Variants in CTNND2 observed in about 807,000 individuals in gnomAD.
The protein encoded by CTNND2 is catenin delta-2.
A neutral mutation model predicts 144.4 loss-of-function variants in CTNND2; 22 were observed. The ratio of observed to expected loss-of-function variants is 0.15; its 90% CI spans 0.11 to 0.22. CTNND2 has a LOEUF of 0.22. Among genes scored for constraint, CTNND2 ranks in the 10% least tolerant of loss-of-function variants. The pLI is 1.00. For missense variants in CTNND2, 1,353 were observed against 1,618.8 expected (o/e 0.84, Z 2.82); for synonymous variants, 751 against 695.6 (o/e 1.08, Z -1.25).
At chr5:11,282,067 C>A (rs928110603) in intron 9 of CTNND2, among the ~76,000 whole-genome samples, 1 of 152,058 alleles carries the variant, frequency 6.6e-6, no homozygotes, top group Admixed American at 6.5e-5. Flanking sequence ...CATGAAGAGA[C>A]TGAACTGGCA....
intron 1 of CTNND2, among the ~76,000 whole-genome samples, chr5:11,776,701 A>G (rs887121110): frequency 7.9e-5 from 12 of 152,190 alleles, no homozygotes; most frequent in African/African-American, 2.4e-4. Flanking sequence ...GATTGTAGCT[A>G]TTATCGATGC....
At chr5:11,397,821 G>A (rs61749783) in intron 5 of CTNND2, among the ~76,000 whole-genome samples, 2,937 of 152,286 alleles carry the variant, frequency 0.019, 97 homozygotes, top group East Asian at 0.12. Flanking sequence ...GAGAACATAC[G>A]GTGTTCAAAT....
At chr5:11,305,795 G>A (rs992939187) in intron 9 of CTNND2, among the ~76,000 whole-genome samples, 6 of 152,232 alleles carry the variant, frequency 3.9e-5, no homozygotes, top group African/African-American at 1.2e-4. Flanking sequence ...GATTCAGAAC[G>A]TGTTCTTCTC....
chr5:11,167,202 G>A (rs980506916), intron 11 of CTNND2, among the ~76,000 whole-genome samples: 4 of 152,194 alleles, frequency 2.6e-5, no homozygotes, highest in East Asian at 1.9e-4. Context: ...GGCGTGGGAG[G>A]TGAAGAGAGA....
At chr5:11,758,334 A>G (rs1789065520) in intron 1 of CTNND2, among the ~76,000 whole-genome samples, 1 of 152,004 alleles carries the variant, frequency 6.6e-6, no homozygotes, top group African/African-American at 2.4e-5. Context: ...ATTTATAACC[A>G]TAAATTTTTG....
chr5:11,452,557 T>C (rs1234720003), intron 3 of CTNND2, among the ~76,000 whole-genome samples: 1 of 152,206 alleles, frequency 6.6e-6, no homozygotes, highest in East Asian at 1.9e-4. Context: ...CAGGGATGAA[T>C]ACCATTACCT....
chr5:11,576,726 T>A (rs557321210), intron 2 of CTNND2, among the ~76,000 whole-genome samples: 2 of 152,340 alleles, frequency 1.3e-5, no homozygotes, highest in African/African-American at 4.8e-5. Flanking sequence ...TTTCTCATCA[T>A]TTACCTCCTT....
At chr5:10,999,572 G>T (rs565831417) in intron 18 of CTNND2, among the ~76,000 whole-genome samples, 2 of 152,150 alleles carry the variant, frequency 1.3e-5, no homozygotes, top group African/African-American at 4.8e-5. Flanking sequence ...ACTATCTGTC[G>T]TTCACCTTCA....
intron 9 of CTNND2, among the ~76,000 whole-genome samples, chr5:11,251,448 T>C (rs1743644261): frequency 6.6e-6 from 1 of 152,224 alleles, no homozygotes; most frequent in African/African-American, 2.4e-5. Flanking sequence ...AATCCTGGTA[T>C]GCAAAGTGAT....
In CTNND2 at chr5:11,346,551, C is replaced by T. The variant is rs781353240; in HGVS notation, c.1449G>A (p.Ala483=). 44 of 1,603,514 alleles carry T rather than the reference C, an allele frequency of 2.7e-5. No homozygotes were observed. Among genetic ancestry groups the T allele is most frequent in the Middle Eastern group, 1.6e-4 (1 of 6,068 alleles). Residue 483 remains alanine (A), a synonymous_variant, in exon 9 of 22, where the codon GCG becomes GCA. Transcript: ENST00000304623. ...GSQHGPQNAA[A]ATFQRASYAA... ...CATAGCTGGCCCTCTGGAAGGTGGCCGCGGCGGCATTCTGTGGGCCGTGCT... is the reference window on the plus strand; with the variant it reads ...CATAGCTGGCCCTCTGGAAGGTGGCTGCGGCGGCATTCTGTGGGCCGTGCT...
chr5:11,869,007 C>T (rs1252676436), intron 1 of CTNND2, among the ~76,000 whole-genome samples: 5 of 152,134 alleles, frequency 3.3e-5, no homozygotes, highest in Non-Finnish European at 7.4e-5. Context: ...AAACACCCAA[C>T]ATCAACAGTC....
chr5:11,285,253 C>T (rs1400198246), intron 9 of CTNND2, among the ~76,000 whole-genome samples: 1 of 152,186 alleles, frequency 6.6e-6, no homozygotes, highest in Non-Finnish European at 1.5e-5. Context: ...CCACCCACCA[C>T]TGCCTTCCTC....
chr5:11,579,479 C>T (rs941034236), intron 2 of CTNND2, among the ~76,000 whole-genome samples: 64 of 151,960 alleles, frequency 4.2e-4, no homozygotes, highest in African/African-American at 1.5e-3. Flanking sequence ...TTTGTCACAC[C>T]GTAGACAAGC....
intron 2 of CTNND2, among the ~76,000 whole-genome samples, chr5:11,622,389 A>G (rs1027354329): frequency 1.3e-5 from 2 of 152,166 alleles, no homozygotes; most frequent in African/African-American, 2.4e-5. Flanking sequence ...TTAAACATCA[A>G]TTGCATGCAA....
At chr5:11,023,794 A>T (rs1259542539) in intron 16 of CTNND2, among the ~76,000 whole-genome samples, 1 of 152,226 alleles carries the variant, frequency 6.6e-6, no homozygotes, top group Non-Finnish European at 1.5e-5. Flanking sequence ...TTATAATGAC[A>T]TATTTATGGA....
intron 9 of CTNND2, among the ~76,000 whole-genome samples, chr5:11,278,937 G>C (rs533935617): frequency 5.7e-4 from 87 of 152,188 alleles, no homozygotes; most frequent in African/African-American, 1.7e-3. Context: ...CATCCTGGTC[G>C]TCTTCTCTTC....
rs71595819 is a variant in CTNND2 at position 11,435,115 on chromosome 5, C to CTATTTATTTATT, written c.288-23058_288-23047dup. ...AGATTAGCAAACGTTTTCTTTTTTA[C>CTATTTATTTATT]TATTTATTTATTTATTTATTTATTT... On this transcript the variant is annotated intron_variant, in intron 3 of 21. Coordinates refer to ENST00000304623, the MANE Select transcript of CTNND2 (RefSeq NM_001332.4). Among the ~76,000 whole-genome samples the CTATTTATTTATT allele has an allele frequency of 5.8e-3, 842 of 146,018 alleles. 11 individuals are homozygous for CTATTTATTTATT. Among genetic ancestry groups the CTATTTATTTATT allele is most frequent in the East Asian group, 0.032 (152 of 4,820 alleles).
intron 2 of CTNND2, among the ~76,000 whole-genome samples, chr5:11,665,045 G>T (rs1407301560): frequency 6.6e-6 from 1 of 152,134 alleles, no homozygotes; most frequent in East Asian, 1.9e-4. Flanking sequence ...TTTTGATGGT[G>T]AGCATCAAAA....
chr5:11,256,709 C>A (rs545649847), intron 9 of CTNND2, among the ~76,000 whole-genome samples: 1 of 152,160 alleles, frequency 6.6e-6, no homozygotes, highest in African/African-American at 2.4e-5. Flanking sequence ...CAAACATTTA[C>A]GGGATACCAA....
Sources: allele counts gnomAD v4.1 joint callset (sites outside exome capture counted in the v4.1 genomes callset), GRCh38; gene constraint gnomAD v4.1.1; transcripts MANE v1.5; gene names NCBI Gene and HGNC (gene_info 2026-07-23, HGNC 2026-07-21).